Variants in GAB2 observed in about 807,000 individuals in gnomAD.
The protein encoded by GAB2 is GRB2 associated binding protein 2, also known as GRB2-associated-binding protein 2.
In GAB2, 26 loss-of-function variants were observed where a neutral mutation model predicts 65.5. The observed-to-expected ratio is 0.40, with a 90% CI of 0.29 to 0.55. The LOEUF (loss-of-function observed/expected upper bound fraction) is 0.55. Among genes scored for constraint, GAB2 ranks in the 20% least tolerant of loss-of-function variants. The pLI is 0.53. For missense variants in GAB2, 884 were observed against 875.8 expected (o/e 1.01, Z -0.12); for synonymous variants, 321 against 329.6 (o/e 0.97, Z 0.28).
At chr11:78,291,294 C>CAAAAAAAAAAAAAAA (rs397848614) in intron 1 of GAB2, among the ~76,000 whole-genome samples, 3 of 103,894 alleles carry the variant, frequency 2.9e-5, no homozygotes, top group African/African-American at 3.9e-5. Context: ...ACTAAAACGA[C>CAAAAAAAAAAAAAAA]AAAAAAAAAA....
At position 78,341,377 on chromosome 11, in the gene GAB2, T is replaced by A. The variant is rs566714166; in HGVS notation, c.76-60476A>T. Among the ~76,000 whole-genome samples the A allele has an allele frequency of 7.6e-4, 116 of 152,326 alleles. 1 individual carries two copies. The highest frequency in any genetic ancestry group is 2.6e-3 in the African/African-American group (110 of 41,564). ...TAGGGAATAAGTATAGAATACTAAA[T>A]GCTGGTGTGACAGGAGATACCAATG... On this transcript the variant is annotated intron_variant, in intron 1 of 9. Transcript: ENST00000361507.
intron 1 of GAB2, among the ~76,000 whole-genome samples, chr11:78,417,423 G>C (rs1227732249): frequency 1.3e-5 from 2 of 151,916 alleles, no homozygotes; most frequent in Non-Finnish European, 2.9e-5. Context: ...CCGCCTGGCG[G>C]AGCAGGAGCC....
At chr11:78,366,915 T>A (rs965874289) in intron 1 of GAB2, among the ~76,000 whole-genome samples, 34 of 151,850 alleles carry the variant, frequency 2.2e-4, no homozygotes, top group African/African-American at 8.2e-4. Flanking sequence ...TGAGAAATTT[T>A]AAAAACCCAC....
chr11:78,239,839 G>A (rs778740362), intron 3 of GAB2, among the ~76,000 whole-genome samples: 4 of 152,132 alleles, frequency 2.6e-5, no homozygotes, highest in Admixed American at 6.5e-5. Flanking sequence ...GCTGTGTTCC[G>A]TGTGGCTACT....
At chr11:78,373,378 A>T (rs1856596234) in intron 1 of GAB2, among the ~76,000 whole-genome samples, 2 of 151,636 alleles carry the variant, frequency 1.3e-5, no homozygotes, top group Non-Finnish European at 2.9e-5. Flanking sequence ...AGCTGGGATT[A>T]CAGGCATGCA....
chr11:78,285,657 G>A (rs1319913790), intron 1 of GAB2, among the ~76,000 whole-genome samples: 1 of 152,136 alleles, frequency 6.6e-6, no homozygotes, highest in Non-Finnish European at 1.5e-5. Context: ...AGTAGAGACG[G>A]GGTTTCACCA....
rs761046150 is a variant in GAB2 at position 78,226,862 on chromosome 11, G to C, written c.810C>G (p.Arg270=). The change falls in exon 4 of 10, where the codon CGC becomes CGG. Residue 270 remains arginine (R), a synonymous_variant. Transcript: ENST00000361507. ...TGGTGTGGCCATGGGAGGCCAGGCT[G>C]CGGGGGAGGTCGTAGGTACTGTCTC... The part of the protein sequence containing the change: ...EFRDSTYDLP[R]SLASHGHTKG... The C allele has an allele frequency of 5.0e-6, 8 of 1,614,132 alleles. No individual in the cohort carries two copies. Among genetic ancestry groups the C allele is most frequent in the Non-Finnish European group, 6.8e-6 (8 of 1,179,978 alleles).
At chr11:78,332,842 T>C (rs940117229) in intron 1 of GAB2, among the ~76,000 whole-genome samples, 1 of 151,988 alleles carries the variant, frequency 6.6e-6, no homozygotes, top group Admixed American at 6.6e-5. Context: ...GCACATGGAG[T>C]TCCCTCATGC....
chr11:78,318,395 A>G (rs1855658648), intron 1 of GAB2, among the ~76,000 whole-genome samples: 1 of 150,628 alleles, frequency 6.6e-6, no homozygotes, highest in Admixed American at 6.6e-5. Context: ...AAGCTGTGAA[A>G]AGGAGCTTGA....
Position 78,417,765 on chromosome 11 carries a change from C to A in GAB2, c.-45G>T, listed in dbSNP as rs1247895119. On this transcript the variant is annotated 5_prime_UTR_variant, in exon 1 of 10. Coordinates refer to ENST00000361507, the MANE Select transcript of GAB2 (RefSeq NM_080491.3). ...CCGCCGGGTCGCGCGGACGAGGGCG[C>A]GGGCTCGGGCAGCTGGGGCAGCGGC... 1 of 1,059,016 alleles carries A rather than the reference C, an allele frequency of 9.4e-7. No individual in the cohort carries two copies. Among genetic ancestry groups the A allele is most frequent in the South Asian group, 3.4e-5 (1 of 29,398 alleles). 65.6% of individuals were successfully genotyped at this position (1,059,016 alleles called of 1,614,324 possible).
chr11:78,341,655 C>T (rs1403370441), intron 1 of GAB2: 1 of 488,280 alleles, frequency 2.0e-6, no homozygotes, highest in Non-Finnish European at 2.7e-6. Flanking sequence ...TTGGTTACAC[C>T]TAATGTCACT....
intron 3 of GAB2, among the ~76,000 whole-genome samples, chr11:78,249,333 C>A (rs1238216965): frequency 2.0e-5 from 3 of 152,116 alleles, no homozygotes; most frequent in African/African-American, 7.2e-5. Flanking sequence ...TTTCTATTTG[C>A]CTTAATTGTC....
intron 1 of GAB2, among the ~76,000 whole-genome samples, chr11:78,399,350 T>A (rs1200758585): frequency 6.6e-6 from 1 of 152,184 alleles, no homozygotes; most frequent in Admixed American, 6.5e-5. Flanking sequence ...CTTTGGAGGA[T>A]CCTGCAGGGT....
Position 78,215,485 on chromosome 11 carries a change from T to C in GAB2, c.*3787A>G, listed in dbSNP as rs1044070765. 4.6e-5 allele frequency: 7 copies of C among 152,634 alleles called. No homozygotes were observed. The South Asian group carries it at 1.0e-3, about 23-fold the overall frequency. 9.5% of individuals were successfully genotyped at this position (152,634 alleles called of 1,614,324 possible). Reference sequence around the variant, plus strand: ...GAATACAACAGAATAAATTAATAACTTAAGTGATTAGGCACCAACAGTGAT... The same window carrying C: ...GAATACAACAGAATAAATTAATAACCTAAGTGATTAGGCACCAACAGTGAT... On this transcript the variant is annotated 3_prime_UTR_variant, in exon 10 of 10. Transcript: ENST00000361507.
intron 1 of GAB2, among the ~76,000 whole-genome samples, chr11:78,355,633 C>T (rs547390527): frequency 1.0e-4 from 14 of 140,516 alleles, no homozygotes; most frequent in East Asian, 2.2e-4. Context: ...GCTATGATTG[C>T]GCCACCGCTC....
At chr11:78,376,595 C>T (rs1856634107) in intron 1 of GAB2, among the ~76,000 whole-genome samples, 1 of 152,176 alleles carries the variant, frequency 6.6e-6, no homozygotes. Flanking sequence ...TGTTTTCACA[C>T]ATTCTGTTCT....
At chr11:78,295,180 C>A (rs111979808) in intron 1 of GAB2, among the ~76,000 whole-genome samples, 5,914 of 152,182 alleles carry the variant, frequency 0.039, 378 homozygotes, top group African/African-American at 0.13. Flanking sequence ...TCAAAACCAC[C>A]ATGAGATACC....
At chr11:78,268,123 A>G (rs960486631) in intron 2 of GAB2, among the ~76,000 whole-genome samples, 1 of 151,950 alleles carries the variant, frequency 6.6e-6, no homozygotes, top group Non-Finnish European at 1.5e-5. Flanking sequence ...GTATCACTTG[A>G]CCCTCTCCTC....
rs539231138 is a variant in GAB2, at chr11:78,283,572, A to G, written c.76-2671T>C. On this transcript the variant is annotated intron_variant, in intron 1 of 9. Transcript: ENST00000361507. Reference sequence around the variant, plus strand: ...TCCTCCCCTCCTATTCGAAGGCACTATAATCAGGCTATCCCCCATCCCCCC... The same window carrying G: ...TCCTCCCCTCCTATTCGAAGGCACTGTAATCAGGCTATCCCCCATCCCCCC... Among the ~76,000 whole-genome samples the G allele has an allele frequency of 6.6e-5, 10 of 152,304 alleles. No individual in the cohort carries two copies. In the South Asian group the frequency reaches 2.1e-3, roughly 32 times the overall value.
Sources: allele counts gnomAD v4.1 joint callset (sites outside exome capture counted in the v4.1 genomes callset), GRCh38; gene constraint gnomAD v4.1.1; transcripts MANE v1.5; gene names NCBI Gene and HGNC (gene_info 2026-07-23, HGNC 2026-07-21).